Variants in PTPRZ1 observed in about 807,000 individuals in gnomAD.
The protein encoded by PTPRZ1 is receptor-type tyrosine-protein phosphatase zeta.
In PTPRZ1, 82 loss-of-function variants were observed where a neutral mutation model predicts 214.1. The ratio of observed to expected loss-of-function variants is 0.38; its 90% CI spans 0.32 to 0.46. The LOEUF is 0.46. PTPRZ1 is among the 20% of genes least tolerant of loss of function. The probability of loss-of-function intolerance (pLI) is 1.00; values close to 1 mark genes in which losing one functional copy is unlikely to be tolerated. For synonymous variants in PTPRZ1, 945 were observed against 987.9 expected (o/e 0.96, Z 0.81); for missense variants, 2,603 against 2,748.7 (o/e 0.95, Z 1.19).
At chr7:121,880,703 G>A (rs944937529) in intron 1 of PTPRZ1, among the ~76,000 whole-genome samples, 1 of 152,248 alleles carries the variant, frequency 6.6e-6, no homozygotes, top group African/African-American at 2.4e-5. Flanking sequence ...ATATAAGGAA[G>A]TTTTTAGATT....
At position 122,034,106 on chromosome 7, in the gene PTPRZ1, G is replaced by A. The variant is rs1799465787; in HGVS notation, c.5178G>A (p.Glu1726=). The change falls in exon 16 of 30, where the codon GAG becomes GAA. Residue 1726 remains glutamate, a synonymous_variant. Coordinates refer to ENST00000393386, the MANE Select transcript of PTPRZ1 (RefSeq NM_002851.3). ...CATTCCCTCATTAGACACTGAAAGA[G>A]TTTTACCAGGTAAGGCATTATTTCA... ...GFTEEFETLK[E]FYQEVQSCTV... is the part of the protein sequence containing the mutation. The A allele has an allele frequency of 6.3e-7, 1 of 1,597,092 alleles. No individual in the cohort carries two copies. Among genetic ancestry groups the A allele is most frequent in the Non-Finnish European group, 8.6e-7 (1 of 1,165,120 alleles).
intron 15 of PTPRZ1, among the ~76,000 whole-genome samples, chr7:122,032,306 A>T (rs1362412264): frequency 6.6e-6 from 1 of 152,206 alleles, no homozygotes; most frequent in African/African-American, 2.4e-5. Flanking sequence ...CATCTCTGGG[A>T]ATTACTTGTT....
intron 2 of PTPRZ1, among the ~76,000 whole-genome samples, chr7:121,934,866 T>C (rs1401575174): frequency 1.3e-5 from 2 of 152,182 alleles, no homozygotes; most frequent in Non-Finnish European, 2.9e-5. Flanking sequence ...CAAGCCTCGT[T>C]GTGGAGGCTG....
chr7:122,054,805 GTTAAGAGTAAAT>G (rs772945010), intron 26 of PTPRZ1, 124 bp from the exon 27 acceptor site: 18 of 849,724 alleles, frequency 2.1e-5, no homozygotes, highest in Non-Finnish European at 3.0e-5. Flanking sequence ...CGAGAAAGAT[GTTAAGAGTAAAT>G]ATTCAGATTC....
intron 1 of PTPRZ1, among the ~76,000 whole-genome samples, chr7:121,909,149 C>T (rs1223647561): frequency 6.6e-6 from 1 of 152,072 alleles, no homozygotes; most frequent in Non-Finnish European, 1.5e-5. Context: ...TATTTTTAGC[C>T]TAGAATTGTG....
At chr7:121,998,370 C>A (rs1434279053) in intron 10 of PTPRZ1, among the ~76,000 whole-genome samples, 2 of 152,046 alleles carry the variant, frequency 1.3e-5, no homozygotes, top group Non-Finnish European at 2.9e-5. Context: ...TTTTCAGCCC[C>A]CAAAGCATTA....
Position 122,013,098 on chromosome 7 carries a change from G to A in PTPRZ1, c.4052G>A (p.Gly1351Asp). 6.2e-7 allele frequency: 1 copy of A among 1,613,842 alleles called. No homozygotes were observed. The highest frequency in any genetic ancestry group is 8.5e-7 in the Non-Finnish European group (1 of 1,179,724). Residue 1351 changes from glycine (G) to aspartate (D), a missense_variant, in exon 12 of 30, where the codon GGT becomes GAT. Around this residue, in one of 6 missense-constraint regions of PTPRZ1, gnomAD observed 1,913 missense variants for 1,914.3 expected, o/e 1.00. Transcript: ENST00000393386. ...KSSVTGKVFAGIPTVASDTFV... is the reference protein window; with the variant it reads ...KSSVTGKVFADIPTVASDTFV... ...TCTGTTACTGGTAAGGTATTTGCTG[G>A]TATTCCAACAGTTGCTTCTGATACA...
chr7:122,021,634 A>G lies in PTPRZ1; in HGVS notation c.4988+2366A>G, dbSNP rs548409264. Among the ~76,000 whole-genome samples the G allele has an allele frequency of 2.6e-5, 4 of 152,178 alleles. No homozygotes were observed. In the South Asian group the frequency reaches 8.3e-4, roughly 32 times the overall value. On this transcript the variant is annotated intron_variant, in intron 13 of 29. Coordinates refer to ENST00000393386, the MANE Select transcript of PTPRZ1 (RefSeq NM_002851.3). The stretch of plus-strand genomic sequence containing the variant: ...GGGCATGTCATACTCCCAGCTTCCC[A>G]GGAGGCTGAGGCTGGAGGATCACTT...
chr7:122,031,785 A>G, intron 15 of PTPRZ1: 1 of 273,972 alleles, frequency 3.7e-6, no homozygotes, highest in Non-Finnish European at 6.7e-6. Flanking sequence ...TGGAAACATA[A>G]AAAACATTGT....
chr7:122,030,395 G>T (rs1799336723), intron 14 of PTPRZ1, among the ~76,000 whole-genome samples: 1 of 152,008 alleles, frequency 6.6e-6, no homozygotes, highest in African/African-American at 2.4e-5. Context: ...GGGTTTGAAG[G>T]ACATTTACTA....
chr7:122,038,109 G>A (rs1799603145), intron 18 of PTPRZ1, among the ~76,000 whole-genome samples: 1 of 152,074 alleles, frequency 6.6e-6, no homozygotes, highest in Non-Finnish European at 1.5e-5. Flanking sequence ...ACTCTCACGA[G>A]AACAGCGTGG....
intron 10 of PTPRZ1, among the ~76,000 whole-genome samples, chr7:122,000,728 C>A (rs1226915876): frequency 8.6e-6 from 1 of 116,104 alleles, no homozygotes; most frequent in Non-Finnish European, 1.7e-5. Context: ...GCTCTGTCAC[C>A]CAGGCTGGAA....
intron 17 of PTPRZ1, among the ~76,000 whole-genome samples, chr7:122,034,778 C>T (rs1192079344): frequency 1.3e-5 from 2 of 151,996 alleles, no homozygotes; most frequent in African/African-American, 4.8e-5. Context: ...TTTTCTTCTA[C>T]CTTTACCTGT....
intron 1 of PTPRZ1, among the ~76,000 whole-genome samples, chr7:121,896,729 C>T (rs7778338): frequency 0.13 from 19,286 of 150,992 alleles, 1,309 homozygotes; most frequent in East Asian, 0.19. Context: ...GCCAAGATCG[C>T]GCCACTGCAC....
In PTPRZ1 at chr7:122,031,577, C is replaced by T. The variant is rs763895369; in HGVS notation, c.5166+18C>T. 1 of 1,517,042 alleles carries T rather than the reference C, an allele frequency of 6.6e-7. No homozygotes were observed. Among genetic ancestry groups the T allele is most frequent in the Non-Finnish European group, 9.1e-7 (1 of 1,100,242 alleles). 94.0% of individuals were successfully genotyped at this position (1,517,042 alleles called of 1,614,324 possible). On this transcript the variant is annotated intron_variant, in intron 15 of 29. Transcript: ENST00000393386. ...AATTTGAGGTATGATTTTAATATGT[C>T]TATTTTAAATAATATAGAAAATAGT...
Position 122,054,946 on chromosome 7 carries a change from A to G in PTPRZ1, c.6387A>G (p.Glu2129=), listed in dbSNP as rs1242217192. 6.3e-7 allele frequency: 1 copy of G among 1,595,354 alleles called. No individual in the cohort carries two copies. Among genetic ancestry groups the G allele is most frequent in the Non-Finnish European group, 8.5e-7 (1 of 1,172,872 alleles). The change falls in exon 27 of 30, where the codon GAA becomes GAG. Residue 2129 remains glutamate, a synonymous_variant. Coordinates refer to ENST00000393386, the MANE Select transcript of PTPRZ1 (RefSeq NM_002851.3). ...VMIPDGQNMA[E]DEFVYWPNKD... The stretch of plus-strand genomic sequence containing the variant: ...TTTCATTTGCAATTCTGCAGGCAGA[A>G]GATGAATTTGTTTACTGGCCAAATA...
At chr7:121,951,511 C>G (rs180989837) in intron 2 of PTPRZ1, among the ~76,000 whole-genome samples, 1 of 152,280 alleles carries the variant, frequency 6.6e-6, no homozygotes, top group Admixed American at 6.5e-5. Flanking sequence ...TAAACTATAG[C>G]GAACAGAGAA....
intron 3 of PTPRZ1, among the ~76,000 whole-genome samples, chr7:121,972,161 A>AT (rs5887063): frequency 0.47 from 69,536 of 148,700 alleles, 16,160 homozygotes; most frequent in South Asian, 0.57. Flanking sequence ...GAGAAGACTT[A>AT]TTTTTTTTTT....
intron 2 of PTPRZ1, among the ~76,000 whole-genome samples, chr7:121,937,777 A>G (rs1796127024): frequency 6.6e-6 from 1 of 152,188 alleles, no homozygotes; most frequent in Admixed American, 6.5e-5. Context: ...CTGATGACCA[A>G]TAAAAAGGAG....
Sources: allele counts gnomAD v4.1 joint callset (sites outside exome capture counted in the v4.1 genomes callset), GRCh38; gene constraint gnomAD v4.1.1; regional missense constraint gnomAD v4.1.1; transcripts MANE v1.5; gene names NCBI Gene and HGNC (gene_info 2026-07-23, HGNC 2026-07-21).